Variants in FAM149B1 observed in about 807,000 individuals in gnomAD.
FAM149B1 encodes the protein family with sequence similarity 149 member B1, also known as primary cilium assembly protein FAM149B1.
FAM149B1 carries 56 observed loss-of-function variants against 75.3 expected under a neutral mutation model. That is an observed-to-expected ratio of 0.74 (90% CI 0.60 to 0.93). FAM149B1 has a LOEUF of 0.93. Ranked by LOEUF, FAM149B1 falls within the 40% of genes least tolerant of loss-of-function variation. The pLI is 0.00. For synonymous variants in FAM149B1, 259 were observed against 256.1 expected (o/e 1.01, Z -0.11); for missense variants, 639 against 708.4 (o/e 0.90, Z 1.11).
chr10:73,240,398 C>T (rs1290474088), intron 13 of FAM149B1, among the ~76,000 whole-genome samples: 1 of 152,168 alleles, frequency 6.6e-6, no homozygotes, highest in Non-Finnish European at 1.5e-5. Context: ...ATTTGAGCTA[C>T]AATTTCAGCC....
intron 5 of FAM149B1, among the ~76,000 whole-genome samples, chr10:73,207,104 G>A (rs1188116780): frequency 6.6e-6 from 1 of 152,204 alleles, no homozygotes; most frequent in Non-Finnish European, 1.5e-5. Context: ...CAGGGGTGGA[G>A]TCCTCACAGA....
chr10:73,210,439 G>GT lies in FAM149B1; in HGVS notation c.898+2dup. Reference sequence around the variant, plus strand: ...AGTCACTGGGAAGGATTTGCCTCTGGTAAGGATCTTTGTGAAAATAATGTA... The same window carrying GT: ...AGTCACTGGGAAGGATTTGCCTCTGGTTAAGGATCTTTGTGAAAATAATGTA... On this transcript the variant is annotated splice_donor_variant, in intron 7 of 13. Coordinates refer to ENST00000242505, the MANE Select transcript of FAM149B1 (RefSeq NM_173348.2). LOFTEE classifies it high-confidence loss of function. 6.5e-7 allele frequency: 1 copy of GT among 1,527,698 alleles called. No individual in the cohort carries two copies. Among genetic ancestry groups the GT allele is most frequent in the Admixed American group, 2.1e-5 (1 of 47,668 alleles). The allele number at this position is 1,527,698 out of a possible 1,614,324, so 94.6% of individuals were successfully genotyped here. A position where few individuals can be genotyped will look rare whatever the true frequency, so the allele number is the denominator to read the frequency against.
rs533692338 is a variant in FAM149B1, at chr10:73,227,989, C to T, written c.899-71C>T. 3.5e-6 allele frequency: 5 copies of T among 1,448,130 alleles called. No homozygotes were observed. In the East Asian group the frequency reaches 1.2e-4, roughly 36 times the overall value. The allele number at this position is 1,448,130 out of a possible 1,614,324, so 89.7% of individuals were successfully genotyped here. A position where few individuals can be genotyped will look rare whatever the true frequency, so the allele number is the denominator to read the frequency against. On this transcript the variant is annotated intron_variant, in intron 7 of 13. Coordinates refer to ENST00000242505, the MANE Select transcript of FAM149B1 (RefSeq NM_173348.2). ...GAGATTATGAATTCTCAGGAGAGAT[C>T]TTTTTTCACAATACTGTTGCTGTGG...
intron 5 of FAM149B1, among the ~76,000 whole-genome samples, chr10:73,208,135 C>A (rs1037084921): frequency 6.6e-6 from 1 of 152,142 alleles, no homozygotes; most frequent in Non-Finnish European, 1.5e-5. Flanking sequence ...ACTGTCTTTG[C>A]GATAGTGAGT....
rs1464714420 is a variant in FAM149B1 at position 73,196,007 on chromosome 10, C to T, written c.542+2414C>T. On this transcript the variant is annotated intron_variant, in intron 5 of 13. Coordinates refer to ENST00000242505, the MANE Select transcript of FAM149B1 (RefSeq NM_173348.2). The stretch of plus-strand genomic sequence containing the variant: ...CTCGAGTACCATTATGAACTCATAG[C>T]ATTTCAAAATATTTATATATTTACT... Among the ~76,000 whole-genome samples, 8 of 152,256 alleles carry T rather than the reference C, an allele frequency of 5.3e-5. No individual in the cohort carries two copies. In the East Asian group the frequency reaches 1.3e-3, roughly 26 times the overall value.
rs536739177 is a variant in FAM149B1 at position 73,235,329 on chromosome 10, G to A, written c.1602+11G>A. On this transcript the variant is annotated intron_variant, in intron 12 of 13. Transcript: ENST00000242505. ...ACTCAATCATTTTTGGTAGAGTGACGTACTTCCTAGAATGGTCTTGATAGT... is the reference window on the plus strand; with the variant it reads ...ACTCAATCATTTTTGGTAGAGTGACATACTTCCTAGAATGGTCTTGATAGT... The A allele has an allele frequency of 6.0e-5, 93 of 1,551,546 alleles. No individual in the cohort carries two copies. Among genetic ancestry groups the A allele is most frequent in the Admixed American group, 2.4e-4 (12 of 51,004 alleles).
chr10:73,206,129 G>A (rs1165154871), intron 5 of FAM149B1, among the ~76,000 whole-genome samples: 2 of 152,196 alleles, frequency 1.3e-5, no homozygotes, highest in Non-Finnish European at 2.9e-5. Context: ...GAACTTACTG[G>A]GAACTGGAAG....
At chr10:73,182,615 G>A (rs923023397) in intron 3 of FAM149B1, among the ~76,000 whole-genome samples, 5 of 152,160 alleles carry the variant, frequency 3.3e-5, no homozygotes, top group East Asian at 3.8e-4. Context: ...ATCATATTGC[G>A]AGGAAGTTCA....
chr10:73,199,193 C>A (rs1235609329), intron 5 of FAM149B1, among the ~76,000 whole-genome samples: 1 of 118,518 alleles, frequency 8.4e-6, no homozygotes, highest in South Asian at 3.5e-4. Context: ...AACTGTTATC[C>A]TTTTTTGTTG....
intron 5 of FAM149B1, among the ~76,000 whole-genome samples, chr10:73,194,734 T>C (rs1486053291): frequency 6.6e-6 from 1 of 151,132 alleles, no homozygotes; most frequent in East Asian, 1.9e-4. Context: ...TGGAGTGCAG[T>C]GTGCAATGGT....
chr10:73,191,284 G>A (rs891484186), intron 3 of FAM149B1, among the ~76,000 whole-genome samples: 2 of 149,080 alleles, frequency 1.3e-5, no homozygotes, highest in African/African-American at 5.0e-5. Context: ...AGGATCTCCC[G>A]CCTCGGCCTC....
At position 73,241,792 on chromosome 10, in the gene FAM149B1, T is replaced by G. The variant is rs1427561279; in HGVS notation, c.*773T>G. 1 of 152,224 alleles carries G rather than the reference T, an allele frequency of 6.6e-6. No individual in the cohort carries two copies. Among genetic ancestry groups the G allele is most frequent in the African/African-American group, 2.4e-5 (1 of 41,472 alleles). The allele number at this position is 152,224 out of a possible 1,614,324, so 9.4% of individuals were successfully genotyped here. A position where few individuals can be genotyped will look rare whatever the true frequency, so the allele number is the denominator to read the frequency against. On this transcript the variant is annotated 3_prime_UTR_variant, in exon 14 of 14. Coordinates refer to ENST00000242505, the MANE Select transcript of FAM149B1 (RefSeq NM_173348.2). ...AAAGGAAATCAATTTAAAAATAATT[T>G]GTAGAATCTACTATTGAGCCACCAA...
In FAM149B1 at chr10:73,241,573, A is replaced by G. The variant is rs1394583934; in HGVS notation, c.*554A>G. The G allele has an allele frequency of 6.4e-6, 1 of 155,480 alleles. No individual in the cohort carries two copies. The highest frequency in any genetic ancestry group is 1.9e-4 in the East Asian group (1 of 5,294). 9.6% of individuals were successfully genotyped at this position (155,480 alleles called of 1,614,324 possible). Reference sequence around the variant, plus strand: ...GGAAGGGGTGTGTAACTAAAAACATAAATGTTAAGCATTAGTATAAAGTAA... The same window carrying G: ...GGAAGGGGTGTGTAACTAAAAACATGAATGTTAAGCATTAGTATAAAGTAA... On this transcript the variant is annotated 3_prime_UTR_variant, in exon 14 of 14. Transcript: ENST00000242505.
At chr10:73,171,272 A>G (rs111560209) in intron 1 of FAM149B1, among the ~76,000 whole-genome samples, 23 of 152,204 alleles carry the variant, frequency 1.5e-4, no homozygotes, top group African/African-American at 4.6e-4. Flanking sequence ...GATACTCCCT[A>G]TAAGGCCCAA....
At chr10:73,235,500 A>G in intron 12 of FAM149B1, 182 bp downstream of exon 12, 1 of 1,346,174 alleles carries the variant, frequency 7.4e-7, no homozygotes, top group Admixed American at 2.9e-5. Flanking sequence ...CCTGATGCCT[A>G]TTCTTTAATG....
In FAM149B1 at chr10:73,193,513, T is replaced by C. The variant is rs932895032; in HGVS notation, c.462T>C (p.Gly154=). ...GGCAGATAATCACTCCAAGTGAAGG[T>C]TATAGATTGTATCCTAGATCCCCTT... is the stretch of plus-strand genomic sequence containing the variant. ...LGRQIITPSE[G]YRLYPRSPSA... The change falls in exon 5 of 14, where the codon GGT becomes GGC. Residue 154 remains glycine (G), a synonymous_variant. Transcript: ENST00000242505. The C allele has an allele frequency of 2.6e-5, 40 of 1,550,116 alleles. No individual in the cohort carries two copies. Among genetic ancestry groups the C allele is most frequent in the Non-Finnish European group, 3.4e-5 (39 of 1,146,626 alleles).
intron 7 of FAM149B1, among the ~76,000 whole-genome samples, chr10:73,220,012 A>C (rs1262306791): frequency 1.3e-5 from 2 of 151,638 alleles, no homozygotes; most frequent in Non-Finnish European, 2.9e-5. Context: ...ACTGATAAGC[A>C]TCTAGTATCC....
intron 7 of FAM149B1, among the ~76,000 whole-genome samples, chr10:73,218,205 A>T (rs1044283153): frequency 6.6e-6 from 1 of 152,184 alleles, no homozygotes; most frequent in Admixed American, 6.5e-5. Context: ...CTGGGTAAAT[A>T]TTGGGAGTTC....
intron 5 of FAM149B1, among the ~76,000 whole-genome samples, chr10:73,197,150 T>C (rs2042822548): frequency 6.6e-6 from 1 of 151,968 alleles, no homozygotes. Flanking sequence ...ACCACAGGCG[T>C]GCTCCACCAC....
Sources: allele counts gnomAD v4.1 joint callset (sites outside exome capture counted in the v4.1 genomes callset), GRCh38; gene constraint gnomAD v4.1.1; transcripts MANE v1.5; gene names NCBI Gene and HGNC (gene_info 2026-07-23, HGNC 2026-07-21).